UBE2E2: variants seen among roughly 807,000 people sequenced by gnomAD.
UBE2E2 encodes ubiquitin-conjugating enzyme E2 E2.
Under a neutral mutation model 24.7 loss-of-function variants are expected in UBE2E2, and 6 were observed. That is an observed-to-expected ratio of 0.24 (90% confidence interval 0.13 to 0.48). The LOEUF (loss-of-function observed/expected upper bound fraction) is 0.48. Among genes scored for constraint, UBE2E2 ranks in the 20% least tolerant of loss-of-function variants. The pLI is 0.99. For missense variants in UBE2E2, 169 were observed against 245.0 expected, an observed-to-expected ratio of 0.69 and a Z score of 2.07; for synonymous variants, 104 against 83.6, an observed-to-expected ratio of 1.24 and a Z score of -1.33.
At chr3:23,318,701 A>G (rs1233698632) in intron 3 of UBE2E2, among the ~76,000 whole-genome samples, 1 of 152,178 alleles carries the variant, frequency 6.6e-6, no homozygotes, top group Non-Finnish European at 1.5e-5. Flanking sequence ...CACTACCACG[A>G]GAACAGTATG....
intron 2 of UBE2E2, among the ~76,000 whole-genome samples, chr3:23,210,868 A>G (rs769226886): frequency 3.3e-5 from 5 of 152,188 alleles, no homozygotes; most frequent in Non-Finnish European, 7.3e-5. Context: ...TTCGGGTGAC[A>G]GTGTATGAAA....
At chr3:23,344,670 A>G (rs1695497068) in intron 3 of UBE2E2, among the ~76,000 whole-genome samples, 1 of 151,444 alleles carries the variant, frequency 6.6e-6, no homozygotes, top group Non-Finnish European at 1.5e-5. Context: ...CCTGGGCAAC[A>G]TAGTGAGACA....
At chr3:23,354,610 C>G (rs1354693453) in intron 3 of UBE2E2, among the ~76,000 whole-genome samples, 1 of 152,016 alleles carries the variant, frequency 6.6e-6, no homozygotes, top group Non-Finnish European at 1.5e-5. Flanking sequence ...TTTATGCAGC[C>G]AAAAAACACG....
At position 23,407,687 on chromosome 3, in the gene UBE2E2, G is replaced by A. The variant is rs10428163; in HGVS notation, c.228-91921G>A. Among the ~76,000 whole-genome samples, 23,537 of 143,216 alleles carry A rather than the reference G, an allele frequency of 0.16. 2,097 individuals carry two copies. Among genetic ancestry groups the A allele is most frequent in the African/African-American group, 0.25 (9,579 of 37,928 alleles). The allele number at this position is 143,216 out of a possible 152,430, so 94.0% of individuals were successfully genotyped here. A position where few individuals can be genotyped will look rare whatever the true frequency, so the allele number is the denominator to read the frequency against. On this transcript the variant is annotated intron_variant, in intron 3 of 5. Coordinates refer to ENST00000396703, the MANE Select transcript of UBE2E2 (RefSeq NM_152653.4). This position sits in a 1 kb window ranked among gnomAD's most constrained non-coding sequence, Gnocchi z 4.0. ...TGTGTGTGTGTGTGTGTGTGTGTGT[G>A]TGTAGTATTTCAGAGAAAATCCCAG...
chr3:23,412,624 G>A (rs562401112), intron 3 of UBE2E2, among the ~76,000 whole-genome samples: 2 of 152,198 alleles, frequency 1.3e-5, no homozygotes, highest in East Asian at 1.9e-4. Flanking sequence ...AATTAAATTT[G>A]GACACCTGAT....
At chr3:23,481,343 C>T (rs928328721) in intron 3 of UBE2E2, among the ~76,000 whole-genome samples, 1 of 152,230 alleles carries the variant, frequency 6.6e-6, no homozygotes, top group Non-Finnish European at 1.5e-5. Flanking sequence ...GAATGTAAGA[C>T]AATGAGTGGC....
chr3:23,355,285 C>T (rs926197102), intron 3 of UBE2E2, among the ~76,000 whole-genome samples: 10 of 151,808 alleles, frequency 6.6e-5, no homozygotes, highest in Admixed American at 5.9e-4. Context: ...TGCTACATGA[C>T]GAGTTAATGG....
intron 3 of UBE2E2, among the ~76,000 whole-genome samples, chr3:23,451,292 A>G (rs1437964758): frequency 6.6e-6 from 1 of 152,212 alleles, no homozygotes; most frequent in Non-Finnish European, 1.5e-5. Flanking sequence ...AGATTCATTA[A>G]TTTAGCTGTA....
chr3:23,388,247 A>G (rs894606408), intron 3 of UBE2E2, among the ~76,000 whole-genome samples: 2 of 152,240 alleles, frequency 1.3e-5, no homozygotes, highest in Non-Finnish European at 2.9e-5. Flanking sequence ...GCCTGCTTCT[A>G]TAATTATATT....
rs1380718777 is a variant in UBE2E2, at chr3:23,280,331, T to G, written c.227+63019T>G. 6.6e-6 allele frequency among the ~76,000 whole-genome samples: 1 copy of G among 152,184 alleles called. No individual in the cohort carries two copies. Among genetic ancestry groups the G allele is most frequent in the Non-Finnish European group, 1.5e-5 (1 of 68,034 alleles). On this transcript the variant is annotated intron_variant, in intron 3 of 5. Transcript: ENST00000396703. This position sits in a 1 kb window ranked among gnomAD's most constrained non-coding sequence, Gnocchi z 4.3. ...GTGGTGAGAGTCTTAAGAGTACTAG[T>G]ATTCTTTGGGAAACAAATGTTGCAC...
At chr3:23,210,482 T>G (rs1468045584) in intron 2 of UBE2E2, among the ~76,000 whole-genome samples, 3 of 152,210 alleles carry the variant, frequency 2.0e-5, no homozygotes, top group African/African-American at 7.2e-5. Context: ...AAATTCTGCT[T>G]ATGAAAGATG....
At chr3:23,563,374 T>A (rs904079844) in intron 5 of UBE2E2, among the ~76,000 whole-genome samples, 4 of 152,032 alleles carry the variant, frequency 2.6e-5, no homozygotes, top group East Asian at 3.9e-4. Flanking sequence ...ATGTAGTTGA[T>A]CGGTTTTGAG....
intron 5 of UBE2E2, among the ~76,000 whole-genome samples, chr3:23,567,368 A>T (rs1043543538): frequency 5.9e-5 from 9 of 152,334 alleles, no homozygotes; most frequent in African/African-American, 2.2e-4. Flanking sequence ...AGGGGTTTAA[A>T]CAACAGTATG....
intron 3 of UBE2E2, among the ~76,000 whole-genome samples, chr3:23,350,654 A>G (rs1695719088): frequency 6.6e-6 from 1 of 152,192 alleles, no homozygotes; most frequent in South Asian, 2.1e-4. Context: ...AGACGAAATG[A>G]ATGAAATGAA....
chr3:23,497,763 A>G (rs1699635819), intron 3 of UBE2E2, among the ~76,000 whole-genome samples: 1 of 152,062 alleles, frequency 6.6e-6, no homozygotes, highest in African/African-American at 2.4e-5. Context: ...CAAATCTCAA[A>G]TTTTTCTAAT....
At chr3:23,449,662 G>T (rs1005499662) in intron 3 of UBE2E2, among the ~76,000 whole-genome samples, 2 of 152,146 alleles carry the variant, frequency 1.3e-5, no homozygotes, top group Non-Finnish European at 2.9e-5. Flanking sequence ...TGGTAATACT[G>T]CAGGTGATTT....
chr3:23,358,351 G>C (rs538641327), intron 3 of UBE2E2, among the ~76,000 whole-genome samples: 156 of 152,244 alleles, frequency 1.0e-3, no homozygotes, highest in Non-Finnish European at 1.9e-3. Flanking sequence ...ATGGTTCACA[G>C]AACCAGTGGT....
At chr3:23,443,724 G>C (rs1284865978) in intron 3 of UBE2E2, among the ~76,000 whole-genome samples, 1 of 152,142 alleles carries the variant, frequency 6.6e-6, no homozygotes, top group African/African-American at 2.4e-5. Flanking sequence ...ATACAAGTAA[G>C]GTTGAGAAGA....
At chr3:23,274,100 A>G (rs1698320264) in intron 3 of UBE2E2, among the ~76,000 whole-genome samples, 1 of 152,210 alleles carries the variant, frequency 6.6e-6, no homozygotes, top group South Asian at 2.1e-4. Context: ...TTTAAAGCAC[A>G]GTAGCTATGA....
Sources: allele counts gnomAD v4.1 joint callset (sites outside exome capture counted in the v4.1 genomes callset), GRCh38; gene constraint gnomAD v4.1.1; non-coding constraint Gnocchi (gnomAD v3.1); transcripts MANE v1.5; gene names NCBI Gene and HGNC (gene_info 2026-07-23, HGNC 2026-07-21).